NUP188: variants seen among roughly 807,000 people sequenced by gnomAD.
NUP188 encodes nucleoporin NUP188.
A neutral mutation model predicts 223.0 loss-of-function variants in NUP188; 97 were observed. The observed-to-expected ratio is 0.43, with a 90% CI of 0.37 to 0.51. The LOEUF (loss-of-function observed/expected upper bound fraction) is 0.51, where lower values mean the gene tolerates loss of function less well. Ranked by LOEUF, NUP188 falls within the 20% of genes least tolerant of loss-of-function variation. The pLI, the probability that NUP188 is intolerant of heterozygous loss-of-function variation, is 0.00. For missense variants in NUP188, 1,947 were observed against 2,175.6 expected, an observed-to-expected ratio of 0.89 and a Z score of 2.09; for synonymous variants, 869 against 828.0, an observed-to-expected ratio of 1.05 and a Z score of -0.85.
At chr9:128,991,765 C>T (rs1263831029) in intron 25 of NUP188, among the ~76,000 whole-genome samples, 1 of 148,172 alleles carries the variant, frequency 6.7e-6, no homozygotes, top group Non-Finnish European at 1.5e-5. Context: ...ATTGCTTGAA[C>T]CCGGGAGGTG....
intron 34 of NUP188, among the ~76,000 whole-genome samples, chr9:129,000,666 T>C (rs1842632237): frequency 6.6e-6 from 1 of 151,954 alleles, no homozygotes; most frequent in African/African-American, 2.4e-5. Flanking sequence ...TTTAAGAAAA[T>C]ATCACTGTGC....
chr9:128,961,866 C>T (rs1841960048), intron 8 of NUP188, among the ~76,000 whole-genome samples: 1 of 151,568 alleles, frequency 6.6e-6, no homozygotes, highest in Non-Finnish European at 1.5e-5. Context: ...GGTGATCTGC[C>T]TGCCTTGGCC....
In NUP188 at chr9:129,002,894, G is replaced by A; in HGVS notation, c.4215G>A (p.Glu1405=). The A allele has an allele frequency of 6.2e-7, 1 of 1,614,208 alleles. No individual in the cohort carries two copies. Among genetic ancestry groups the A allele is most frequent in the Non-Finnish European group, 8.5e-7 (1 of 1,180,036 alleles). ...ACCGCCTGTCCATGTCCCTGATGGA[G>A]CAGCTGCTCAAAACTCTGCGCTACA... The part of the protein sequence containing the change: ...GVYRLSMSLM[E]QLLKTLRYNF... Residue 1405 remains glutamate, a synonymous_variant, in exon 37 of 44, where the codon GAG becomes GAA. Coordinates refer to ENST00000372577, the MANE Select transcript of NUP188 (RefSeq NM_015354.3).
chr9:128,949,387 C>G lies in NUP188; in HGVS notation c.87+144C>G, dbSNP rs1192673439. 6.6e-6 allele frequency: 4 copies of G among 604,158 alleles called. No individual in the cohort carries two copies. The African/African-American group carries it at 7.7e-5, about 12-fold the overall frequency. The allele number at this position is 604,158 out of a possible 1,614,324, so 37.4% of individuals were successfully genotyped here. A position where few individuals can be genotyped will look rare whatever the true frequency, so the allele number is the denominator to read the frequency against. On this transcript the variant is annotated intron_variant, in intron 2 of 43. Coordinates refer to ENST00000372577, the MANE Select transcript of NUP188 (RefSeq NM_015354.3). Reference sequence around the variant, plus strand: ...CGCTCTTGTTTCCCAGGCTGGAGTGCAATGGCGTGATCTCGGCTCACCGCA... The same window carrying G: ...CGCTCTTGTTTCCCAGGCTGGAGTGGAATGGCGTGATCTCGGCTCACCGCA...
At chr9:128,988,278 T>G (rs1299383962) in intron 24 of NUP188, 92 bp downstream of exon 24, 2 of 1,402,080 alleles carry the variant, frequency 1.4e-6, no homozygotes, top group East Asian at 4.6e-5. Context: ...TGTTTTTGGA[T>G]GTCAACAGTA....
intron 38 of NUP188, chr9:129,004,905 A>C: frequency 1.8e-6 from 1 of 568,568 alleles, no homozygotes; most frequent in Non-Finnish European, 3.2e-6. Context: ...TGTAGCCCTG[A>C]GTACTTAGTG....
chr9:128,973,287 C>T, intron 12 of NUP188, 38 bp downstream of exon 12: 6 of 1,464,660 alleles, frequency 4.1e-6, no homozygotes, highest in Non-Finnish European at 5.7e-6. Context: ...CTCTACTGCC[C>T]AGCTTTGCAA....
At chr9:128,966,601 G>A (rs1405644760) in intron 8 of NUP188, among the ~76,000 whole-genome samples, 1 of 152,106 alleles carries the variant, frequency 6.6e-6, no homozygotes, top group African/African-American at 2.4e-5. Context: ...GCCTCCCAAA[G>A]TGCTGGGATT....
chr9:129,005,724 C>G lies in NUP188; in HGVS notation c.4817C>G (p.Ser1606Cys). ...TPTFDSEVAPSFGTLLATVNV... is the reference protein window; with the variant it reads ...TPTFDSEVAPCFGTLLATVNV... ...ACCTTTGACTCCGAAGTGGCCCCCT[C>G]CTTCGGGACCCTTCTGGCCACAGTG... Residue 1606 changes from serine (S) to cysteine (C), a missense_variant, in exon 41 of 44, where the codon TCC becomes TGC. Ser to Cys is a moderately radical substitution (Grantham distance 112, BLOSUM62 -1). This residue lies in a region of NUP188 where 905 missense variants were observed against 990.6 expected (regional missense o/e 0.91). Coordinates refer to ENST00000372577, the MANE Select transcript of NUP188 (RefSeq NM_015354.3). 1 of 1,614,132 alleles carries G rather than the reference C, an allele frequency of 6.2e-7. No homozygotes were observed. The highest frequency in any genetic ancestry group is 8.5e-7 in the Non-Finnish European group (1 of 1,180,004).
chr9:129,000,385 C>T (rs1417458583), intron 34 of NUP188, among the ~76,000 whole-genome samples: 1 of 152,182 alleles, frequency 6.6e-6, no homozygotes, highest in Non-Finnish European at 1.5e-5. Context: ...GTGGTGCGAT[C>T]TTGGCTCACT....
In NUP188 at chr9:128,958,998, C is replaced by A; in HGVS notation, c.466-17C>A. On this transcript the variant is annotated splice_polypyrimidine_tract_variant and intron_variant, in intron 7 of 43. Transcript: ENST00000372577. ...CCTTTTATTCTAGGTATAATTTACTCTTTTGATTTTTTAAAGGTTGAATAT... is the reference window on the plus strand; with the variant it reads ...CCTTTTATTCTAGGTATAATTTACTATTTTGATTTTTTAAAGGTTGAATAT... The A allele has an allele frequency of 6.6e-7, 1 of 1,511,764 alleles. No homozygotes were observed. The allele number at this position is 1,511,764 out of a possible 1,614,324, so 93.6% of individuals were successfully genotyped here.
At chr9:128,950,591 A>G (rs1376537679) in intron 2 of NUP188, among the ~76,000 whole-genome samples, 1 of 152,220 alleles carries the variant, frequency 6.6e-6, no homozygotes, top group African/African-American at 2.4e-5. Context: ...CTGTAACCCC[A>G]GCACTTTGGA....
At chr9:128,965,602 A>G (rs1316675652) in intron 8 of NUP188, among the ~76,000 whole-genome samples, 2 of 151,882 alleles carry the variant, frequency 1.3e-5, no homozygotes, top group Non-Finnish European at 2.9e-5. Flanking sequence ...ACAGGTGTGC[A>G]CTATTAAGCT....
At position 128,993,687 on chromosome 9, in the gene NUP188, C is replaced by G. The variant is rs1192455741; in HGVS notation, c.3010C>G (p.Arg1004Gly). ...DRRDSAMLVL[R>G]TKPKFWENLT... Reference sequence around the variant, plus strand: ...GAGGGACAGTGCCATGCTGGTCCTCCGAACCAAGTAAGTCTGCCTCTGGGA... The same window carrying G: ...GAGGGACAGTGCCATGCTGGTCCTCGGAACCAAGTAAGTCTGCCTCTGGGA... The change falls in exon 27 of 44, where the codon CGA (arginine) becomes GGA (glycine). Residue 1004 changes from arginine to glycine, a missense_variant. Transcript: ENST00000372577. 5 of 1,614,020 alleles carry G rather than the reference C, an allele frequency of 3.1e-6. No individual in the cohort carries two copies. In the South Asian group the frequency reaches 5.5e-5, roughly 18 times the overall value.
At chr9:128,967,202 G>A (rs1236834019) in intron 8 of NUP188, among the ~76,000 whole-genome samples, 1 of 152,114 alleles carries the variant, frequency 6.6e-6, no homozygotes. Context: ...TAGAGATGGA[G>A]TCTCACTGTG....
chr9:128,991,162 CTTT>C (rs78549616), intron 25 of NUP188, among the ~76,000 whole-genome samples: 40 of 123,406 alleles, frequency 3.2e-4, no homozygotes, highest in Admixed American at 4.2e-4. Context: ...CTCCAGATTT[CTTT>C]TTTTTTTTTT....
intron 8 of NUP188, chr9:128,964,161 C>T (rs891362367): frequency 5.6e-5 from 14 of 249,352 alleles, no homozygotes; most frequent in Admixed American, 1.2e-4. Flanking sequence ...TGATGTTGAA[C>T]ATCTTTTCAC....
intron 25 of NUP188, among the ~76,000 whole-genome samples, chr9:128,992,415 G>A (rs1029234619): frequency 6.6e-6 from 1 of 151,590 alleles, no homozygotes; most frequent in African/African-American, 2.4e-5. Flanking sequence ...GGCTAGTCTC[G>A]AACTCCTGAT....
intron 31 of NUP188, 135 bp from the exon 32 acceptor site, chr9:128,998,403 A>G (rs1842569013): frequency 4.0e-6 from 4 of 995,922 alleles, no homozygotes; most frequent in Non-Finnish European, 6.3e-6. Context: ...TGCCATGCCA[A>G]CCCTGGCTTC....
Sources: allele counts gnomAD v4.1 joint callset (sites outside exome capture counted in the v4.1 genomes callset), GRCh38; gene constraint gnomAD v4.1.1; regional missense constraint gnomAD v4.1.1; transcripts MANE v1.5; gene names NCBI Gene and HGNC (gene_info 2026-07-23, HGNC 2026-07-21).